DHRSX: variants seen among roughly 807,000 people sequenced by gnomAD.
DHRSX encodes polyprenol dehydrogenase.
Under a neutral mutation model 34.0 loss-of-function variants are expected in DHRSX, and 31 were observed. The ratio of observed to expected loss-of-function variants is 0.91; its 90% CI spans 0.69 to 1.23. The LOEUF (loss-of-function observed/expected upper bound fraction) is 1.23. Ranked by LOEUF, DHRSX falls within the 50% of genes most tolerant of loss-of-function variation. The pLI, the probability that DHRSX is intolerant of heterozygous loss-of-function variation, is 0.00. For synonymous variants in DHRSX, 201 were observed against 183.8 expected (o/e 1.09, Z -0.76); for missense variants, 414 against 428.1 (o/e 0.97, Z 0.29).
intron 3 of DHRSX, among the ~76,000 whole-genome samples, chrX:2,296,543 TA>T (rs2091059112): frequency 1.7e-5 from 2 of 115,176 alleles, no homozygotes; most frequent in African/African-American, 7.6e-5. Flanking sequence ...CCCAGGCAGA[TA>T]GACCCCAGGC....
intron 2 of DHRSX, among the ~76,000 whole-genome samples, chrX:2,412,527 G>A (rs1174342404): frequency 6.7e-6 from 1 of 150,124 alleles, no homozygotes; most frequent in South Asian, 2.1e-4. Context: ...TTTTTTAAGA[G>A]TTCCTCAAAA....
intron 6 of DHRSX, among the ~76,000 whole-genome samples, chrX:2,241,918 C>A (rs1350044302): frequency 1.3e-5 from 2 of 152,144 alleles, no homozygotes; most frequent in East Asian, 1.9e-4. Flanking sequence ...TCAAAAAAAA[C>A]AAGCAAACAA....
At chrX:2,491,151 C>A (rs761418342) in intron 1 of DHRSX, among the ~76,000 whole-genome samples, 1 of 147,158 alleles carries the variant, frequency 6.8e-6, no homozygotes, top group South Asian at 2.2e-4. Flanking sequence ...CTCACTGCAA[C>A]CTCCGCCTCC....
At chrX:2,358,264 G>C (rs1019095217) in intron 3 of DHRSX, among the ~76,000 whole-genome samples, 18 of 152,042 alleles carry the variant, frequency 1.2e-4, no homozygotes, top group African/African-American at 4.1e-4. Context: ...ATCTGATAAA[G>C]GTTTAATATC....
At chrX:2,254,215 A>G (rs2041245066) in intron 5 of DHRSX, among the ~76,000 whole-genome samples, 2 of 152,166 alleles carry the variant, frequency 1.3e-5, no homozygotes, top group South Asian at 2.1e-4. Flanking sequence ...TTATTTATCC[A>G]CTTTGAGAGG....
intron 1 of DHRSX, among the ~76,000 whole-genome samples, chrX:2,493,496 A>C (rs1443641038): frequency 1.3e-5 from 2 of 151,514 alleles, no homozygotes; most frequent in Non-Finnish European, 2.9e-5. Flanking sequence ...TATGTGGCTG[A>C]AAGCGGTTCT....
intron 3 of DHRSX, among the ~76,000 whole-genome samples, chrX:2,397,927 C>T (rs1456898906): frequency 7.2e-5 from 6 of 83,602 alleles, no homozygotes; most frequent in African/African-American, 3.6e-4. Flanking sequence ...ATCCTCAGAG[C>T]GCGCACACAC....
At chrX:2,494,964 T>C (rs1011704247) in intron 1 of DHRSX, among the ~76,000 whole-genome samples, 7 of 151,828 alleles carry the variant, frequency 4.6e-5, no homozygotes, top group Non-Finnish European at 1.0e-4. Flanking sequence ...TATTCTATCA[T>C]TATTATCATT....
intron 3 of DHRSX, among the ~76,000 whole-genome samples, chrX:2,365,955 A>C (rs1393373749): frequency 2.0e-5 from 3 of 152,144 alleles, no homozygotes; most frequent in Non-Finnish European, 2.9e-5. Context: ...CTAGCGTTCT[A>C]TGAACCCCCT....
chrX:2,347,620 G>A (rs777587344), intron 3 of DHRSX, among the ~76,000 whole-genome samples: 2 of 152,306 alleles, frequency 1.3e-5, no homozygotes, highest in Admixed American at 1.3e-4. Flanking sequence ...CTGGAACCCA[G>A]GAGGTGGAGG....
chrX:2,409,790 T>A (rs1431080701), intron 2 of DHRSX, among the ~76,000 whole-genome samples: 4 of 151,910 alleles, frequency 2.6e-5, no homozygotes, highest in Non-Finnish European at 1.5e-5. Context: ...AGTGCAGTGG[T>A]GCGATCTCAG....
intron 3 of DHRSX, among the ~76,000 whole-genome samples, chrX:2,292,452 G>A (rs2041877939): frequency 6.6e-6 from 1 of 152,228 alleles, no homozygotes; most frequent in Non-Finnish European, 1.5e-5. Flanking sequence ...CGCAGCAGCT[G>A]TGGGATAGTA....
Position 2,496,522 on chromosome X carries a change from T to C in DHRSX, c.109+4295A>G, listed in dbSNP as rs139920883. On this transcript the variant is annotated intron_variant, in intron 1 of 6. Transcript: ENST00000334651. ...CCCGCCAATAGAGATTTTAAATGTC[T>C]TGCGTGCAGTGTATACTGCTTGGGT... Among the ~76,000 whole-genome samples, 1,395 of 152,218 alleles carry C rather than the reference T, an allele frequency of 9.2e-3. 42 individuals are homozygous for C. Among genetic ancestry groups the C allele is most frequent in the East Asian group, 0.086 (446 of 5,182 alleles).
intron 1 of DHRSX, among the ~76,000 whole-genome samples, chrX:2,484,226 G>A (rs2044823144): frequency 6.6e-6 from 1 of 152,150 alleles, no homozygotes; most frequent in African/African-American, 2.4e-5. Flanking sequence ...ACCCGCCTCG[G>A]CCTCCCAAAG....
intron 3 of DHRSX, among the ~76,000 whole-genome samples, chrX:2,385,026 C>T (rs1371841492): frequency 6.6e-6 from 1 of 151,858 alleles, no homozygotes; most frequent in Non-Finnish European, 1.5e-5. Flanking sequence ...TCGCTTGAGC[C>T]TGGAAGGCGG....
intron 1 of DHRSX, among the ~76,000 whole-genome samples, chrX:2,477,391 G>C: frequency 6.6e-6 from 1 of 152,184 alleles, no homozygotes; most frequent in East Asian, 1.9e-4. Flanking sequence ...AGAAACAACA[G>C]ACAGGACTGT....
intron 3 of DHRSX, among the ~76,000 whole-genome samples, chrX:2,405,262 G>A (rs1302765993): frequency 1.3e-5 from 2 of 151,188 alleles, no homozygotes; most frequent in Admixed American, 1.3e-4. Flanking sequence ...GCTGAGGCGG[G>A]TGGATCATGA....
intron 5 of DHRSX, among the ~76,000 whole-genome samples, chrX:2,254,716 G>A (rs1202923269): frequency 6.6e-6 from 1 of 151,624 alleles, no homozygotes; most frequent in Non-Finnish European, 1.5e-5. Flanking sequence ...GTGCGATCTC[G>A]GCTCACTGCA....
chrX:2,453,148 T>C (rs1300865678), intron 1 of DHRSX, among the ~76,000 whole-genome samples: 2 of 152,042 alleles, frequency 1.3e-5, no homozygotes, highest in Admixed American at 1.3e-4. Context: ...TCATCGCATA[T>C]GTAGAATATA....
Sources: allele counts gnomAD v4.1 joint callset (sites outside exome capture counted in the v4.1 genomes callset), GRCh38; gene constraint gnomAD v4.1.1; transcripts MANE v1.5; gene names NCBI Gene and HGNC (gene_info 2026-07-23, HGNC 2026-07-21).